Variants in LGI2 observed in about 807,000 individuals in gnomAD.
LGI2 encodes leucine rich repeat LGI family member 2, also known as leucine-rich repeat LGI family member 2.
Under a neutral mutation model 52.0 loss-of-function variants are expected in LGI2, and 30 were observed. The observed-to-expected ratio is 0.58, with a 90% confidence interval of 0.43 to 0.78. The LOEUF (loss-of-function observed/expected upper bound fraction) is 0.78. Ranked by LOEUF, LGI2 falls within the 30% of genes least tolerant of loss-of-function variation. LGI2 has a pLI of 0.00. For synonymous variants in LGI2, 270 were observed against 271.8 expected (o/e 0.99, Z 0.06); for missense variants, 573 against 692.5 (o/e 0.83, Z 1.94).
At chr4:25,022,550 C>T (rs935433221) in intron 4 of LGI2, among the ~76,000 whole-genome samples, 3 of 152,160 alleles carry the variant, frequency 2.0e-5, no homozygotes, top group African/African-American at 4.8e-5. Context: ...GACTCCCTCG[C>T]TCCCTCTGTG....
Position 25,000,955 on chromosome 4 carries a change from T to C in LGI2, c.*2496A>G, listed in dbSNP as rs1725224479. 6.6e-6 allele frequency: 1 copy of C among 152,230 alleles called. No homozygotes were observed. The highest frequency in any genetic ancestry group is 1.5e-5 in the Non-Finnish European group (1 of 68,056). The allele number at this position is 152,230 out of a possible 1,614,324, so 9.4% of individuals were successfully genotyped here. A position where few individuals can be genotyped will look rare whatever the true frequency, so the allele number is the denominator to read the frequency against. The stretch of plus-strand genomic sequence containing the variant: ...GCCAAGAACATCTATGCTCCTTTAG[T>C]AAGTTGGCCAGAACAAATATCTCCT... On this transcript the variant is annotated 3_prime_UTR_variant, in exon 8 of 8. Transcript: ENST00000382114.
intron 1 of LGI2, 77 bp from the exon 2 acceptor site, chr4:25,028,655 G>C: frequency 8.3e-7 from 1 of 1,209,210 alleles, no homozygotes. Context: ...ATCAAACTCT[G>C]CCTCCACCTG....
intron 3 of LGI2, among the ~76,000 whole-genome samples, chr4:25,025,664 T>G (rs1380224204): frequency 6.6e-6 from 1 of 152,236 alleles, no homozygotes; most frequent in Non-Finnish European, 1.5e-5. Context: ...AGTTACAGCA[T>G]TATATTAAGT....
chr4:25,026,771 TA>T, intron 3 of LGI2, 96 bp downstream of exon 3: 1 of 961,016 alleles, frequency 1.0e-6, no homozygotes, highest in Non-Finnish European at 1.7e-6. Flanking sequence ...TCTCCACCCC[TA>T]AACCCTTGCA....
intron 4 of LGI2, among the ~76,000 whole-genome samples, chr4:25,020,137 A>G (rs1486180442): frequency 6.6e-6 from 1 of 152,258 alleles, no homozygotes; most frequent in Non-Finnish European, 1.5e-5. Context: ...ACTCAGCTCT[A>G]ACCTTTAAGA....
At chr4:25,005,650 G>T (rs1166673978) in intron 7 of LGI2, among the ~76,000 whole-genome samples, 3 of 152,064 alleles carry the variant, frequency 2.0e-5, no homozygotes, top group African/African-American at 7.2e-5. Context: ...GGTGGTGGGG[G>T]GTTGCGGGGG....
Position 25,007,966 on chromosome 4 carries a change from G to C in LGI2, c.821-3698C>G, listed in dbSNP as rs1725446610. On this transcript the variant is annotated intron_variant, in intron 7 of 7. Transcript: ENST00000382114. ...AGGGAGAATGGTCCACATTTACCTT[G>C]TTCTTCTTGAAGCAAGTAGCACCTA... is the stretch of plus-strand genomic sequence containing the variant. Among the ~76,000 whole-genome samples the C allele has an allele frequency of 1.3e-5, 2 of 152,210 alleles. 1 individual carries two copies. Among genetic ancestry groups the C allele is most frequent in the Admixed American group, 1.3e-4 (2 of 15,286 alleles).
chr4:25,003,928 G>A lies in LGI2; in HGVS notation c.1161C>T (p.Leu387=), dbSNP rs765581940. 3.1e-6 allele frequency: 5 copies of A among 1,614,186 alleles called. No individual in the cohort carries two copies. In the South Asian group the frequency reaches 5.5e-5, roughly 18 times the overall value. Residue 387 remains leucine, a synonymous_variant, in exon 8 of 8, where the codon CTC becomes CTT. Coordinates refer to ENST00000382114, the MANE Select transcript of LGI2 (RefSeq NM_018176.4). ...EFVDIDGKSH[L]ILSSRSQVPI... ...GGACCTGGGAGCGGCTGGACAGGAT[G>A]AGATGCGATTTTCCATCGATATCAA...
intron 7 of LGI2, among the ~76,000 whole-genome samples, chr4:25,007,270 C>A (rs535647375): frequency 1.6e-3 from 241 of 152,322 alleles, no homozygotes; most frequent in African/African-American, 5.6e-3. Flanking sequence ...TTGATACCAT[C>A]TGGCAGTGTT....
chr4:25,025,001 G>A, intron 3 of LGI2, 110 bp from the exon 4 acceptor site: 2 of 732,164 alleles, frequency 2.7e-6, no homozygotes, highest in Non-Finnish European at 4.3e-6. Context: ...TGAATTATAA[G>A]AATTGATCTC....
In LGI2 at chr4:24,999,757, A is replaced by G. The variant is rs1725182847; in HGVS notation, c.*3694T>C. The G allele has an allele frequency of 2.2e-6, 1 of 453,134 alleles. No homozygotes were observed. Among genetic ancestry groups the G allele is most frequent in the Non-Finnish European group, 4.4e-6 (1 of 225,618 alleles). The allele number at this position is 453,134 out of a possible 1,614,324, so 28.1% of individuals were successfully genotyped here. A position where few individuals can be genotyped will look rare whatever the true frequency, so the allele number is the denominator to read the frequency against. On this transcript the variant is annotated 3_prime_UTR_variant, in exon 8 of 8. Coordinates refer to ENST00000382114, the MANE Select transcript of LGI2 (RefSeq NM_018176.4). ...TCCCATGCTGATTTCTTTCCTAAAA[A>G]TACACAGACTCTCACTCCATGGGGA... is the stretch of plus-strand genomic sequence containing the variant.
intron 3 of LGI2, 108 bp from the exon 4 acceptor site, chr4:25,024,999 A>T: frequency 1.3e-6 from 1 of 743,638 alleles, no homozygotes; most frequent in South Asian, 2.1e-5. Context: ...CCTGAATTAT[A>T]AGAATTGATC....
intron 7 of LGI2, among the ~76,000 whole-genome samples, chr4:25,006,254 T>C (rs1725390022): frequency 7.7e-6 from 1 of 129,058 alleles, no homozygotes; most frequent in African/African-American, 2.8e-5. Flanking sequence ...CTTATCACCC[T>C]GCACCCAGAT....
rs537609601 is a variant in LGI2, at chr4:25,003,168, A to C, written c.*283T>G. ...CCTCATCAAAAAGCGGGGGGGAAGC[A>C]TATTACATTTCTAGATGATAAGAGT... On this transcript the variant is annotated 3_prime_UTR_variant, in exon 8 of 8. Coordinates refer to ENST00000382114, the MANE Select transcript of LGI2 (RefSeq NM_018176.4). 5 of 268,644 alleles carry C rather than the reference A, an allele frequency of 1.9e-5. No individual in the cohort carries two copies. The East Asian group carries it at 3.6e-4, about 19-fold the overall frequency. The allele number at this position is 268,644 out of a possible 1,614,324, so 16.6% of individuals were successfully genotyped here.
chr4:25,020,301 A>G lies in LGI2; in HGVS notation c.414-1063T>C, dbSNP rs193114683. 4.6e-5 allele frequency among the ~76,000 whole-genome samples: 7 copies of G among 152,142 alleles called. No homozygotes were observed. In the East Asian group the frequency reaches 1.4e-3, roughly 29 times the overall value. ...TCTAAGACGTCTTAGTCCACACCCC[A>G]CCTCCAGGAAATAGAGTAGAATGCA... On this transcript the variant is annotated intron_variant, in intron 4 of 7. Transcript: ENST00000382114.
In LGI2 at chr4:25,003,066, A is replaced by G. The variant is rs1189372323; in HGVS notation, c.*385T>C. ...AAGAGTTCTTACCAAAAAGATTGCT[A>G]AAGTGGAATGAGAGGGGCTCAAAGT... On this transcript the variant is annotated 3_prime_UTR_variant, in exon 8 of 8. Coordinates refer to ENST00000382114, the MANE Select transcript of LGI2 (RefSeq NM_018176.4). The G allele has an allele frequency of 1.3e-5, 2 of 158,064 alleles. No homozygotes were observed. The highest frequency in any genetic ancestry group is 2.8e-5 in the Non-Finnish European group (2 of 72,546). 9.8% of individuals were successfully genotyped at this position (158,064 alleles called of 1,614,324 possible). A position where few individuals can be genotyped will look rare whatever the true frequency, so the allele number is the denominator to read the frequency against.
downstream of LGI2, among the ~76,000 whole-genome samples, chr4:24,994,344 C>G (rs773413629): frequency 6.6e-6 from 1 of 152,166 alleles, no homozygotes; most frequent in Non-Finnish European, 1.5e-5. Context: ...CAGATGCACT[C>G]AAGGATAAGA....
In LGI2 at chr4:25,030,680, C is replaced by G. The variant is rs1354352916; in HGVS notation, c.14G>C (p.Arg5Thr). The G allele has an allele frequency of 2.7e-6, 4 of 1,475,512 alleles. No homozygotes were observed. Among genetic ancestry groups the G allele is most frequent in the Non-Finnish European group, 1.8e-6 (2 of 1,119,580 alleles). 91.4% of individuals were successfully genotyped at this position (1,475,512 alleles called of 1,614,324 possible). A position where few individuals can be genotyped will look rare whatever the true frequency, so the allele number is the denominator to read the frequency against. Residue 5 changes from arginine (R) to threonine (T), a missense_variant, in exon 1 of 8, where the codon AGA (arginine) becomes ACA (threonine). Transcript: ENST00000382114. ...CAGCCCGAGCGCTCCGCAGCCGCCT[C>G]TCCGCAGCGCCATGCCCGGTCCCCG... MALR[R>T]GGCGALGLLL...
At position 25,004,805 on chromosome 4, in the gene LGI2, C is replaced by G. The variant is rs1350906461; in HGVS notation, c.821-537G>C. ...TTCTGTTGCTTATAAGCCACTCAGT[C>G]TACGGTATTCTGTTGCAGCAGCCCA... On this transcript the variant is annotated intron_variant, in intron 7 of 7. Coordinates refer to ENST00000382114, the MANE Select transcript of LGI2 (RefSeq NM_018176.4). This position sits in a 1 kb window ranked among gnomAD's most constrained non-coding sequence, Gnocchi z 4.6. Among the ~76,000 whole-genome samples, 1 of 152,186 alleles carries G rather than the reference C, an allele frequency of 6.6e-6. No individual in the cohort carries two copies. The highest frequency in any genetic ancestry group is 1.5e-5 in the Non-Finnish European group (1 of 68,044).
Sources: gnomAD v4.1 joint callset for allele counts (sites outside exome capture counted in the v4.1 genomes callset) on GRCh38, gnomAD v4.1.1 for gene constraint, Gnocchi (gnomAD v3.1) non-coding constraint, MANE v1.5 for transcripts, NCBI Gene and HGNC (gene_info 2026-07-23, HGNC 2026-07-21) for gene names.